SORCS1: variants seen among roughly 807,000 people sequenced by gnomAD.
SORCS1 encodes sortilin related VPS10 domain containing receptor 1, also known as VPS10 domain-containing receptor SorCS1.
Under a neutral mutation model 146.1 loss-of-function variants are expected in SORCS1, and 60 were observed. That is an observed-to-expected ratio of 0.41 (90% CI 0.33 to 0.51). SORCS1 has a LOEUF of 0.51. Among genes scored for constraint, SORCS1 ranks in the 20% least tolerant of loss-of-function variants. The probability of loss-of-function intolerance (pLI) is 0.21; values close to 1 mark genes in which losing one functional copy is unlikely to be tolerated. For synonymous variants in SORCS1, 637 were observed against 584.0 expected, an observed-to-expected ratio of 1.09 and a Z score of -1.31; for missense variants, 1,352 against 1,487.6, an observed-to-expected ratio of 0.91 and a Z score of 1.50.
At position 106,719,232 on chromosome 10, in the gene SORCS1, A is replaced by C. The variant is rs144348688; in HGVS notation, c.1025-9891T>G. Reference sequence around the variant, plus strand: ...AAGAAATGAAACCATTTAGCTCATGAAGGAGAAAGCATACAGTTTCCAGTT... The same window carrying C: ...AAGAAATGAAACCATTTAGCTCATGCAGGAGAAAGCATACAGTTTCCAGTT... On this transcript the variant is annotated intron_variant, in intron 6 of 25. Coordinates refer to ENST00000263054, the MANE Select transcript of SORCS1 (RefSeq NM_052918.5). Among the ~76,000 whole-genome samples the C allele has an allele frequency of 2.0e-3, 307 of 152,278 alleles. 2 individuals carry two copies. Among genetic ancestry groups the C allele is most frequent in the African/African-American group, 7.1e-3 (295 of 41,548 alleles).
upstream of SORCS1, among the ~76,000 whole-genome samples, chr10:107,167,638 G>T (rs565187526): frequency 8.5e-4 from 130 of 152,124 alleles, no homozygotes; most frequent in Non-Finnish European, 1.1e-3. Context: ...GCACACTCAG[G>T]TGATCCATTT....
At chr10:106,796,842 GC>G (rs1173913218) in intron 3 of SORCS1, among the ~76,000 whole-genome samples, 1 of 152,214 alleles carries the variant, frequency 6.6e-6, no homozygotes, top group Non-Finnish European at 1.5e-5. Context: ...GGGCACAGTG[GC>G]TCTTGCCTGT....
At chr10:106,585,702 C>T (rs1845191357) in intron 24 of SORCS1, among the ~76,000 whole-genome samples, 1 of 152,180 alleles carries the variant, frequency 6.6e-6, no homozygotes, top group Non-Finnish European at 1.5e-5. Context: ...TTATTATAAT[C>T]TGCATCTGGC....
chr10:106,938,166 C>G (rs1009416090), intron 2 of SORCS1, among the ~76,000 whole-genome samples: 1 of 151,896 alleles, frequency 6.6e-6, no homozygotes, highest in African/African-American at 2.4e-5. Context: ...AGTGTCAAAT[C>G]AATGAAGAAA....
chr10:106,877,151 A>G (rs530380956), intron 2 of SORCS1, among the ~76,000 whole-genome samples: 1 of 152,308 alleles, frequency 6.6e-6, no homozygotes, highest in East Asian at 1.9e-4. Context: ...TTCTTTTGCC[A>G]CAGCTTGATT....
Position 106,956,129 on chromosome 10 carries a change from CA to C in SORCS1, c.626+383del, listed in dbSNP as rs201562634. On this transcript the variant is annotated intron_variant, in intron 2 of 25. Transcript: ENST00000263054. ...GGGCAACAAGACCAAAACTCCGTCT[CA>C]AAAAAAAAAAAAAAGTTTCCCTGGT... Among the ~76,000 whole-genome samples, 377 of 125,142 alleles carry C rather than the reference CA, an allele frequency of 3.0e-3. 1 individual carries two copies. Among genetic ancestry groups the C allele is most frequent in the Middle Eastern group, 4.3e-3 (1 of 230 alleles). 82.1% of individuals were successfully genotyped at this position (125,142 alleles called of 152,430 possible).
Position 106,813,499 on chromosome 10 carries a change from C to T in SORCS1, c.726+16075G>A, listed in dbSNP as rs574646038. Among the ~76,000 whole-genome samples the T allele has an allele frequency of 1.6e-3, 238 of 152,204 alleles. 3 individuals are homozygous for T. Among genetic ancestry groups the T allele is most frequent in the African/African-American group, 5.4e-3 (226 of 41,534 alleles). The stretch of plus-strand genomic sequence containing the variant: ...AAGAAACCCAGAGTAAACGAATGTA[C>T]GTTGTGAGTAAAGAGAGGCAGCTGT... On this transcript the variant is annotated intron_variant, in intron 3 of 25. Transcript: ENST00000263054.
Position 106,709,284 on chromosome 10 carries a change from G to C in SORCS1, c.1082C>G (p.Pro361Arg). 4 of 1,613,890 alleles carry C rather than the reference G, an allele frequency of 2.5e-6. No individual in the cohort carries two copies. Among genetic ancestry groups the C allele is most frequent in the Non-Finnish European group, 3.4e-6 (4 of 1,179,914 alleles). ...QNCTEANRNQ[P>R]FPGYIDPDSL... ...GTCTGGGTCAATGTAGCCTGGAAAA[G>C]GCTGATTCCTGTTGGCCTCTGTACA... Residue 361 changes from proline (P) to arginine (R), a missense_variant, in exon 7 of 26, where the codon CCT (proline) becomes CGT (arginine). Transcript: ENST00000263054.
intron 18 of SORCS1, among the ~76,000 whole-genome samples, chr10:106,642,106 G>A (rs969034801): frequency 6.6e-6 from 1 of 152,158 alleles, no homozygotes; most frequent in Non-Finnish European, 1.5e-5. Context: ...AGAGGAGATG[G>A]AAATTACATG....
chr10:106,728,977 T>C (rs552377590), intron 6 of SORCS1, among the ~76,000 whole-genome samples: 227 of 152,252 alleles, frequency 1.5e-3, no homozygotes, highest in African/African-American at 5.0e-3. Flanking sequence ...AGTTTCCCCC[T>C]TTTCTCATTT....
chr10:107,106,965 C>A (rs1165214800), intron 1 of SORCS1, among the ~76,000 whole-genome samples: 1 of 152,206 alleles, frequency 6.6e-6, no homozygotes, highest in African/African-American at 2.4e-5. Context: ...TGATTTGGGG[C>A]TCAAGGTCCC....
intron 1 of SORCS1, among the ~76,000 whole-genome samples, chr10:107,051,197 A>G (rs2134050319): frequency 6.6e-6 from 1 of 152,304 alleles, no homozygotes; most frequent in South Asian, 2.1e-4. Context: ...AAATGAGAAC[A>G]TTTCAAATTT....
chr10:107,074,948 G>A (rs1962756182), intron 1 of SORCS1, among the ~76,000 whole-genome samples: 1 of 152,058 alleles, frequency 6.6e-6, no homozygotes, highest in Non-Finnish European at 1.5e-5. Context: ...ATCAATAACA[G>A]TAACTCACCT....
chr10:106,791,860 A>C (rs990997774), intron 3 of SORCS1, among the ~76,000 whole-genome samples: 1 of 152,142 alleles, frequency 6.6e-6, no homozygotes, highest in South Asian at 2.1e-4. Flanking sequence ...AAAAAGATGT[A>C]TTTTATGTCA....
chr10:106,693,804 A>G (rs1853484691), intron 9 of SORCS1, among the ~76,000 whole-genome samples: 1 of 152,168 alleles, frequency 6.6e-6, no homozygotes, highest in African/African-American at 2.4e-5. Flanking sequence ...AAATCAATTC[A>G]AAGGAACTTA....
intron 3 of SORCS1, among the ~76,000 whole-genome samples, chr10:106,800,889 G>A (rs186071439): frequency 2.0e-5 from 3 of 152,284 alleles, no homozygotes; most frequent in East Asian, 1.9e-4. Context: ...TAGGCCTTCA[G>A]TGGGCTGGAT....
intron 2 of SORCS1, among the ~76,000 whole-genome samples, chr10:106,882,352 C>A (rs1419810237): frequency 6.6e-6 from 1 of 151,990 alleles, no homozygotes; most frequent in Non-Finnish European, 1.5e-5. Flanking sequence ...GCATTCAAAG[C>A]CATTCTGGAC....
chr10:106,626,322 ATGGGACTTT>A (rs759878533), intron 19 of SORCS1, among the ~76,000 whole-genome samples: 1 of 152,104 alleles, frequency 6.6e-6, no homozygotes, highest in African/African-American at 2.4e-5. Flanking sequence ...ATTTTGCTTG[ATGGGACTTT>A]TGGGAACGAG....
chr10:106,839,490 G>C (rs1948927603), intron 2 of SORCS1, among the ~76,000 whole-genome samples: 1 of 152,168 alleles, frequency 6.6e-6, no homozygotes, highest in African/African-American at 2.4e-5. Context: ...AGCAGAATTT[G>C]GTTCATGAGG....
Sources: gnomAD v4.1 joint callset for allele counts (sites outside exome capture counted in the v4.1 genomes callset) on GRCh38, gnomAD v4.1.1 for gene constraint, MANE v1.5 for transcripts, NCBI Gene and HGNC (gene_info 2026-07-23, HGNC 2026-07-21) for gene names.